Variants in ANXA4 observed in about 807,000 individuals in gnomAD.
ANXA4 encodes the protein annexin A4.
Under a neutral mutation model 49.8 loss-of-function variants are expected in ANXA4, and 39 were observed. That is an observed-to-expected ratio of 0.78 (90% CI 0.61 to 1.02). The LOEUF (loss-of-function observed/expected upper bound fraction) is 1.02, where lower values mean the gene tolerates loss of function less well. Among genes scored for constraint, ANXA4 ranks in the 50% least tolerant of loss-of-function variants. The pLI is 0.00. For synonymous variants in ANXA4, 134 were observed against 152.5 expected, an observed-to-expected ratio of 0.88 and a Z score of 0.89; for missense variants, 360 against 410.1, an observed-to-expected ratio of 0.88 and a Z score of 1.05.
Position 69,820,824 on chromosome 2 carries a change from A to C in ANXA4, c.906+3A>C. ...AGTCTCTGTACTCGTTCATCAAGGT[A>C]GGTCACAGCAGCCTAAGTCCAGAGT... On this transcript the variant is annotated splice_donor_region_variant and intron_variant, in intron 12 of 12. Coordinates refer to ENST00000394295, the MANE Select transcript of ANXA4 (RefSeq NM_001153.5). 3.1e-6 allele frequency: 5 copies of C among 1,613,734 alleles called. No individual in the cohort carries two copies. Among genetic ancestry groups the C allele is most frequent in the Non-Finnish European group, 4.2e-6 (5 of 1,179,782 alleles).
chr2:69,807,952 G>A lies in ANXA4; in HGVS notation c.353G>A (p.Arg118Gln), dbSNP rs144504684. 2 of 1,614,110 alleles carry A rather than the reference G, an allele frequency of 1.2e-6. No individual in the cohort carries two copies. Among genetic ancestry groups the A allele is most frequent in the Admixed American group, 1.7e-5 (1 of 60,020 alleles). Residue 118 changes from arginine (R) to glutamine (Q), a missense_variant, in exon 6 of 13, where the codon CGG becomes CAG. Physicochemically the swap from Arg to Gln is conservative, Grantham distance 43 (BLOSUM62 1). Coordinates refer to ENST00000394295, the MANE Select transcript of ANXA4 (RefSeq NM_001153.5). Reference protein sequence around the residue: ...EGCLIEILASRTPEEIRRISQ... With the variant: ...EGCLIEILASQTPEEIRRISQ... ...TGCCTAATTGAGATCCTGGCCTCCC[G>A]GACCCCTGAGGAGATCCGGCGCATA...
rs551705408 is a variant in ANXA4, at chr2:69,723,167, G to A, written n.864+2296G>A. Among the ~76,000 whole-genome samples, 101 of 147,890 alleles carry A rather than the reference G, an allele frequency of 6.8e-4. 1 individual carries two copies. Among genetic ancestry groups the A allele is most frequent in the African/African-American group, 2.0e-3 (81 of 40,374 alleles). ...GATCATGCCACTGTACTCCAGCCTC[G>A]GCGACAGAGCAAGACTGTCTCAAAA... On this transcript the variant is annotated intron_variant and non_coding_transcript_variant, in intron 3 of 3. Transcript: ENST00000418066.
chr2:69,759,937 A>C (rs1213449261), intron 1 of ANXA4, among the ~76,000 whole-genome samples: 1 of 152,094 alleles, frequency 6.6e-6, no homozygotes, highest in Non-Finnish European at 1.5e-5. Flanking sequence ...GGTTCACGCC[A>C]TTCTCCTGCC....
chr2:69,687,380 C>T (rs773706384), intron 2 of ANXA4, among the ~76,000 whole-genome samples: 1 of 152,042 alleles, frequency 6.6e-6, no homozygotes, highest in Non-Finnish European at 1.5e-5. Flanking sequence ...TAGTGGCACA[C>T]ACCTGTGGTC....
intron 2 of ANXA4, among the ~76,000 whole-genome samples, chr2:69,719,224 T>G (rs866421931): frequency 6.0e-5 from 9 of 150,120 alleles, no homozygotes; most frequent in Non-Finnish European, 1.2e-4. Context: ...CACACCCCCA[T>G]TTTTACAGTT....
chr2:69,651,816 TTGGGGGG>T (rs1676251080), intron 1 of ANXA4, among the ~76,000 whole-genome samples: 1 of 18,810 alleles, frequency 5.3e-5, no homozygotes, highest in Non-Finnish European at 1.0e-4. Flanking sequence ...TTTTTTTTTT[TTGGGGGG>T]GGGGGGCGGG....
intron 1 of ANXA4, among the ~76,000 whole-genome samples, chr2:69,761,563 G>C (rs1671288607): frequency 6.6e-6 from 1 of 151,942 alleles, no homozygotes; most frequent in South Asian, 2.1e-4. Context: ...GTTCTTTACT[G>C]TGCCAGCCGT....
At chr2:69,722,889 T>C (rs1328236368) in intron 3 of ANXA4, among the ~76,000 whole-genome samples, 1 of 150,452 alleles carries the variant, frequency 6.6e-6, no homozygotes, top group South Asian at 2.1e-4. Flanking sequence ...ATGAAGGAAA[T>C]AGGCCGGGCA....
chr2:69,776,117 G>T (rs1343896637), intron 1 of ANXA4, among the ~76,000 whole-genome samples: 1 of 151,960 alleles, frequency 6.6e-6, no homozygotes, highest in Non-Finnish European at 1.5e-5. Context: ...TGGGATTACA[G>T]GCACTCACCA....
At chr2:69,664,008 T>C (rs957511436) in intron 2 of ANXA4, among the ~76,000 whole-genome samples, 7 of 152,178 alleles carry the variant, frequency 4.6e-5, no homozygotes, top group African/African-American at 1.7e-4. Flanking sequence ...CGTTGTGATA[T>C]GGAAGACTGA....
At chr2:69,766,088 A>C (rs1162253067) in intron 1 of ANXA4, among the ~76,000 whole-genome samples, 1 of 152,228 alleles carries the variant, frequency 6.6e-6, no homozygotes, top group African/African-American at 2.4e-5. Flanking sequence ...GTCAGAGGAC[A>C]GACACACACA....
At chr2:69,653,323 A>G (rs1364048357) in intron 2 of ANXA4, 1 of 152,246 alleles carries the variant, frequency 6.6e-6, no homozygotes, top group Non-Finnish European at 1.5e-5. Context: ...GTATGCGTAA[A>G]TGATATATGA....
chr2:69,758,473 T>G (rs1671147795), intron 1 of ANXA4, among the ~76,000 whole-genome samples: 1 of 152,104 alleles, frequency 6.6e-6, no homozygotes, highest in African/African-American at 2.4e-5. Context: ...ATTTTGAAAA[T>G]TAGCCGGAAG....
At chr2:69,683,317 G>A (rs1677663238) in intron 2 of ANXA4, among the ~76,000 whole-genome samples, 1 of 152,132 alleles carries the variant, frequency 6.6e-6, no homozygotes, top group African/African-American at 2.4e-5. Context: ...ACCTCTTCCT[G>A]CATCTGGGAC....
At chr2:69,715,300 C>T (rs1025334752) in intron 2 of ANXA4, among the ~76,000 whole-genome samples, 27 of 152,272 alleles carry the variant, frequency 1.8e-4, no homozygotes, top group African/African-American at 6.3e-4. Context: ...ACCTCCCCCT[C>T]CTGGGTTCAA....
At chr2:69,673,687 GACACACACACACACACACACAC>G (rs72114703) in intron 2 of ANXA4, among the ~76,000 whole-genome samples, 3 of 139,128 alleles carry the variant, frequency 2.2e-5, no homozygotes, top group Admixed American at 7.3e-5. Flanking sequence ...TTTTTTCAAA[GACACACACACACACACACACAC>G]ACACACACAC....
chr2:69,738,852 A>G (rs1559126682), upstream of ANXA4, among the ~76,000 whole-genome samples: 1 of 152,216 alleles, frequency 6.6e-6, no homozygotes, highest in Admixed American at 6.5e-5. Context: ...GCTGGATAAC[A>G]CCAAGTGACC....
chr2:69,689,637 A>G (rs2105370321), intron 2 of ANXA4, among the ~76,000 whole-genome samples: 1 of 152,334 alleles, frequency 6.6e-6, no homozygotes, highest in African/African-American at 2.4e-5. Context: ...GTATCATAAT[A>G]ATGAAAATCA....
At chr2:69,758,013 C>G (rs1038721807) in intron 1 of ANXA4, among the ~76,000 whole-genome samples, 5 of 149,608 alleles carry the variant, frequency 3.3e-5, no homozygotes, top group African/African-American at 7.4e-5. Flanking sequence ...ACCTGCAGTA[C>G]AGGAGAGTAT....
Sources: allele counts gnomAD v4.1 joint callset (sites outside exome capture counted in the v4.1 genomes callset), GRCh38; gene constraint gnomAD v4.1.1; transcripts MANE v1.5; gene names NCBI Gene and HGNC (gene_info 2026-07-23, HGNC 2026-07-21).